The following SEMA3D variants were observed in gnomAD, a reference collection of about 807,000 sequenced individuals.
SEMA3D encodes semaphorin-3D.
SEMA3D carries 84 observed loss-of-function variants against 100.1 expected under a neutral mutation model. The observed-to-expected ratio is 0.84, with a 90% confidence interval of 0.70 to 1.01. The LOEUF is 1.01. Among genes scored for constraint, SEMA3D ranks in the 50% least tolerant of loss-of-function variants. The pLI is 0.00. For synonymous variants in SEMA3D, 312 were observed against 320.7 expected, an observed-to-expected ratio of 0.97 and a Z score of 0.29; for missense variants, 875 against 934.1, an observed-to-expected ratio of 0.94 and a Z score of 0.82.
At chr7:85,005,599 A>T (rs1562779532) in intron 18 of SEMA3D, among the ~76,000 whole-genome samples, 1 of 152,104 alleles carries the variant, frequency 6.6e-6, no homozygotes, top group Non-Finnish European at 1.5e-5. Flanking sequence ...ATATCTTTAA[A>T]TTAATTTCTT....
At chr7:85,233,720 G>A in the SEMA3D span, among the ~76,000 whole-genome samples, 1 of 152,184 alleles carries the variant, frequency 6.6e-6, no homozygotes, top group Non-Finnish European at 1.5e-5. Flanking sequence ...TTATCTGATT[G>A]CTAACGTTGA....
the SEMA3D span, among the ~76,000 whole-genome samples, chr7:85,229,656 C>G: frequency 2.0e-5 from 3 of 152,062 alleles, no homozygotes; most frequent in Non-Finnish European, 4.4e-5. Context: ...ATCTTAGCAG[C>G]ATTCAAAATG....
intron 9 of SEMA3D, among the ~76,000 whole-genome samples, chr7:85,050,147 G>C (rs1056858503): frequency 6.7e-6 from 1 of 149,034 alleles, no homozygotes; most frequent in Non-Finnish European, 1.5e-5. Context: ...ACATCAGACA[G>C]ACATAAATAA....
intron 5 of SEMA3D, among the ~76,000 whole-genome samples, chr7:85,076,966 C>T (rs764232495): frequency 1.1e-4 from 16 of 152,028 alleles, no homozygotes; most frequent in Admixed American, 2.6e-4. Context: ...AATAGCCTGG[C>T]GCTGTGGCAG....
chr7:85,128,242 A>C (rs1453081197), intron 2 of SEMA3D, among the ~76,000 whole-genome samples: 3 of 151,966 alleles, frequency 2.0e-5, no homozygotes, highest in African/African-American at 7.3e-5. Flanking sequence ...ATATCTGCTC[A>C]CTGCAAGTTC....
intron 11 of SEMA3D, among the ~76,000 whole-genome samples, chr7:85,038,479 A>G (rs187972519): frequency 4.6e-4 from 70 of 152,302 alleles, no homozygotes; most frequent in African/African-American, 1.5e-3. Flanking sequence ...AGGATATGAC[A>G]TACATTCCAA....
the SEMA3D span, among the ~76,000 whole-genome samples, chr7:85,221,807 A>G: frequency 6.6e-6 from 1 of 152,230 alleles, no homozygotes; most frequent in South Asian, 2.1e-4. Flanking sequence ...GCATTGACTT[A>G]AATGTCAAAT....
At position 85,081,729 on chromosome 7, in the gene SEMA3D, T is replaced by C; in HGVS notation, c.313-150A>G. 2.0e-5 allele frequency: 12 copies of C among 604,620 alleles called. No homozygotes were observed. In the South Asian group the frequency reaches 2.7e-4, roughly 14 times the overall value. 37.5% of individuals were successfully genotyped at this position (604,620 alleles called of 1,614,324 possible). On this transcript the variant is annotated intron_variant, in intron 4 of 18. Coordinates refer to ENST00000284136, the MANE Select transcript of SEMA3D (RefSeq NM_001384900.1). ...TGTGGGAAATTTGAGATTTAAATAT[T>C]TCCCAAAGCCACCCTGAAAGTTTCT...
chr7:85,018,146 T>G, intron 15 of SEMA3D, 106 bp downstream of exon 15: 1 of 742,130 alleles, frequency 1.3e-6, no homozygotes, highest in Non-Finnish European at 2.4e-6. Context: ...GTTTTAAATT[T>G]CTTAAAATTT....
intron 1 of SEMA3D, among the ~76,000 whole-genome samples, chr7:85,159,368 G>C (rs1790683281): frequency 6.6e-6 from 1 of 152,082 alleles, no homozygotes; most frequent in East Asian, 1.9e-4. Flanking sequence ...CTTTAAAATT[G>C]GTTCCCAAAT....
At position 85,091,470 on chromosome 7, in the gene SEMA3D, C is replaced by T. The variant is rs1014720454; in HGVS notation, c.312+6335G>A. Among the ~76,000 whole-genome samples, 39 of 150,698 alleles carry T rather than the reference C, an allele frequency of 2.6e-4. 1 individual carries two copies. Among genetic ancestry groups the T allele is most frequent in the Non-Finnish European group, 1.2e-4 (8 of 67,746 alleles). On this transcript the variant is annotated intron_variant, in intron 4 of 18. Coordinates refer to ENST00000284136, the MANE Select transcript of SEMA3D (RefSeq NM_001384900.1). The stretch of plus-strand genomic sequence containing the variant: ...TAACATAACCAAACAGAGAGTATTG[C>T]ATATTTTTTTTTACCATCAACTATG...
At chr7:85,116,684 T>C (rs1240846536) in intron 3 of SEMA3D, among the ~76,000 whole-genome samples, 3 of 151,992 alleles carry the variant, frequency 2.0e-5, no homozygotes, top group African/African-American at 7.2e-5. Flanking sequence ...CATTTTTGCT[T>C]ACTCTGAGGT....
At chr7:85,111,170 T>C (rs1322453537) in intron 3 of SEMA3D, among the ~76,000 whole-genome samples, 1 of 152,074 alleles carries the variant, frequency 6.6e-6, no homozygotes, top group Admixed American at 6.6e-5. Flanking sequence ...CAGAAGCCAA[T>C]CTTTTGAATT....
At chr7:85,142,773 C>T (rs1363625396) in intron 2 of SEMA3D, 5 of 983,788 alleles carry the variant, frequency 5.1e-6, no homozygotes, top group Middle Eastern at 5.2e-4. Context: ...CCCAGACTAA[C>T]CACATGATGT....
At chr7:85,206,836 A>T in the SEMA3D span, among the ~76,000 whole-genome samples, 1 of 152,122 alleles carries the variant, frequency 6.6e-6, no homozygotes, top group Non-Finnish European at 1.5e-5. Flanking sequence ...TGATGAAAAC[A>T]TGCTGTTTTT....
At chr7:85,144,364 A>C (rs1325488524) in intron 2 of SEMA3D, 1 of 550,632 alleles carries the variant, frequency 1.8e-6, no homozygotes, top group Non-Finnish European at 2.3e-6. Flanking sequence ...ATTTAAATTA[A>C]TTAAATTAAA....
intron 3 of SEMA3D, among the ~76,000 whole-genome samples, chr7:85,109,565 A>AG (rs1789029941): frequency 6.6e-6 from 1 of 151,982 alleles, no homozygotes; most frequent in African/African-American, 2.4e-5. Flanking sequence ...ATAAATAAAA[A>AG]GGACTTTCGT....
chr7:85,198,491 A>AT, the SEMA3D span, among the ~76,000 whole-genome samples: 6 of 151,948 alleles, frequency 3.9e-5, no homozygotes, highest in Non-Finnish European at 8.8e-5. Flanking sequence ...TTTGGTGAAA[A>AT]TTTTTAATAA....
intron 1 of SEMA3D, among the ~76,000 whole-genome samples, chr7:85,165,367 TG>T (rs763880294): frequency 3.9e-5 from 6 of 151,916 alleles, no homozygotes; most frequent in Non-Finnish European, 7.4e-5. Flanking sequence ...AACGAGAGTT[TG>T]TGAATAGATA....
Sources: gnomAD v4.1 joint callset for allele counts (sites outside exome capture counted in the v4.1 genomes callset) on GRCh38, gnomAD v4.1.1 for gene constraint, MANE v1.5 for transcripts, NCBI Gene and HGNC (gene_info 2026-07-23, HGNC 2026-07-21) for gene names.